The following SLC35D4 variants were observed in gnomAD, a reference collection of about 807,000 sequenced individuals.
SLC35D4 encodes the protein solute carrier family 35 member D4, also known as UDP-N-acetylglucosamine transporter SLC35D4.
At chr18:23,365,513 C>T in the SLC35D4 span, 9 of 1,172,366 alleles carry the variant, frequency 7.7e-6, no homozygotes, top group African/African-American at 1.5e-5. Context: ...ACCTTCCTGC[C>T]CTCTCAGTCA....
chr18:23,420,651 C>T, the SLC35D4 span, among the ~76,000 whole-genome samples: 1 of 151,962 alleles, frequency 6.6e-6, no homozygotes, highest in African/African-American at 2.4e-5. Context: ...GCTGGGATTA[C>T]AGGCATGAGC....
chr18:23,298,645 T>C, the SLC35D4 span, among the ~76,000 whole-genome samples: 3 of 152,180 alleles, frequency 2.0e-5, no homozygotes, highest in East Asian at 5.8e-4. Flanking sequence ...AAGAGCTGAA[T>C]ATTTTAACAT....
chr18:23,393,996 T>G, the SLC35D4 span, among the ~76,000 whole-genome samples: 1 of 152,242 alleles, frequency 6.6e-6, no homozygotes, highest in Non-Finnish European at 1.5e-5. Flanking sequence ...TTGTCTATTG[T>G]GAATAATAGC....
chr18:23,370,194 GAA>G, the SLC35D4 span: 15,269 of 1,351,220 alleles, frequency 0.011, no homozygotes, highest in Admixed American at 0.016. Flanking sequence ...CCATCTCAAG[GAA>G]AAAAAAAAAA....
chr18:23,355,675 G>A, the SLC35D4 span, among the ~76,000 whole-genome samples: 1 of 147,898 alleles, frequency 6.8e-6, no homozygotes, highest in East Asian at 2.0e-4. Context: ...ACATTGTAAA[G>A]AATCACTGCT....
chr18:23,247,112 G>A, the SLC35D4 span, among the ~76,000 whole-genome samples: 8 of 152,208 alleles, frequency 5.3e-5, no homozygotes, highest in Admixed American at 1.3e-4. Flanking sequence ...TCCCACTGCC[G>A]TGGCTCAATC....
chr18:23,430,628 C>T, the SLC35D4 span: 1 of 1,607,966 alleles, frequency 6.2e-7, no homozygotes, highest in Non-Finnish European at 8.5e-7. Context: ...AGAAGATACT[C>T]ACCCTTGGAA....
the SLC35D4 span, among the ~76,000 whole-genome samples, chr18:23,424,852 T>G: frequency 6.6e-6 from 1 of 152,126 alleles, no homozygotes; most frequent in Non-Finnish European, 1.5e-5. Context: ...GGAGCCTGCC[T>G]CTACAAAAAC....
the SLC35D4 span, among the ~76,000 whole-genome samples, chr18:23,289,877 A>G: frequency 6.6e-6 from 1 of 151,590 alleles, no homozygotes; most frequent in Non-Finnish European, 1.5e-5. Flanking sequence ...CCTGCCAGAG[A>G]ACAACCCCCC....
chr18:23,371,392 G>C, the SLC35D4 span: 13 of 1,535,976 alleles, frequency 8.5e-6, no homozygotes, highest in Non-Finnish European at 1.1e-5. Context: ...ACCGTGCCCA[G>C]CCTTACATAA....
chr18:23,297,461 C>T, the SLC35D4 span: 4 of 151,708 alleles, frequency 2.6e-5, no homozygotes, highest in Non-Finnish European at 2.9e-5. Context: ...AAGGCTGTAG[C>T]GAGCTGTGAT....
chr18:23,270,769 C>A, the SLC35D4 span, among the ~76,000 whole-genome samples: 2 of 152,220 alleles, frequency 1.3e-5, 1 homozygote, highest in Admixed American at 1.3e-4. Context: ...ATTACTCTTT[C>A]TTTACTGCAA....
At chr18:23,365,724 C>T in the SLC35D4 span, 2 of 1,598,366 alleles carry the variant, frequency 1.3e-6, no homozygotes, top group South Asian at 1.1e-5. Flanking sequence ...AAAACCCCAG[C>T]TGTTCCCACA....
the SLC35D4 span, among the ~76,000 whole-genome samples, chr18:23,305,335 G>A: frequency 2.0e-5 from 3 of 152,122 alleles, no homozygotes; most frequent in South Asian, 6.2e-4. Context: ...ACTCCCTCAT[G>A]AGCTTCCGCC....
the SLC35D4 span, among the ~76,000 whole-genome samples, chr18:23,345,951 A>T: frequency 6.6e-6 from 1 of 151,972 alleles, no homozygotes; most frequent in Non-Finnish European, 1.5e-5. Flanking sequence ...TTTTATTTTA[A>T]TAAACATGAC....
At chr18:23,334,038 G>T in the SLC35D4 span, among the ~76,000 whole-genome samples, 1 of 152,136 alleles carries the variant, frequency 6.6e-6, no homozygotes, top group African/African-American at 2.4e-5. Flanking sequence ...AGAGCAGGTG[G>T]ATTGCTGGGA....
chr18:23,316,637 T>C, the SLC35D4 span, among the ~76,000 whole-genome samples: 16 of 149,860 alleles, frequency 1.1e-4, no homozygotes, highest in Non-Finnish European at 1.9e-4. Context: ...ATAAGCACAA[T>C]GGGATTGAGA....
At chr18:23,262,432 T>C in the SLC35D4 span, among the ~76,000 whole-genome samples, 1 of 152,242 alleles carries the variant, frequency 6.6e-6, no homozygotes, top group Non-Finnish European at 1.5e-5. Context: ...CACAATTCTC[T>C]ACTGTAGCTG....
the SLC35D4 span, among the ~76,000 whole-genome samples, chr18:23,284,405 T>C: frequency 6.6e-6 from 1 of 152,246 alleles, no homozygotes; most frequent in Non-Finnish European, 1.5e-5. Flanking sequence ...TTCTTTCTAC[T>C]GACTTCAAGT....
Sources: allele counts gnomAD v4.1 joint callset (sites outside exome capture counted in the v4.1 genomes callset), GRCh38; gene constraint gnomAD v4.1.1; transcripts MANE v1.5; gene names NCBI Gene and HGNC (gene_info 2026-07-23, HGNC 2026-07-21).